Variants in NTN4 observed in about 807,000 individuals in gnomAD.
The protein encoded by NTN4 is netrin-4.
Under a neutral mutation model 73.6 loss-of-function variants are expected in NTN4, and 32 were observed. The ratio of observed to expected loss-of-function variants is 0.44; its 90% CI spans 0.33 to 0.58. NTN4 has a LOEUF of 0.58. Among genes scored for constraint, NTN4 ranks in the 20% least tolerant of loss-of-function variants. The probability of loss-of-function intolerance (pLI) is 0.04; values close to 1 mark genes in which losing one functional copy is unlikely to be tolerated. For synonymous variants in NTN4, 258 were observed against 287.5 expected (o/e 0.90, Z 1.04); for missense variants, 654 against 798.3 (o/e 0.82, Z 2.18).
At chr12:95,659,289 G>C (rs1232447957) in intron 9 of NTN4, 67 bp from the exon 10 acceptor site, 2 of 1,274,024 alleles carry the variant, frequency 1.6e-6, no homozygotes, top group African/African-American at 3.0e-5. Context: ...TGTGACTCCA[G>C]CAGGTTTTCT....
chr12:95,717,161 G>A (rs990725419), intron 3 of NTN4, among the ~76,000 whole-genome samples: 2 of 152,054 alleles, frequency 1.3e-5, no homozygotes, highest in South Asian at 2.1e-4. Flanking sequence ...GAAGCAAGAT[G>A]CTGCAAAGTA....
intron 7 of NTN4, among the ~76,000 whole-genome samples, chr12:95,675,626 T>C (rs962196511): frequency 6.6e-6 from 1 of 152,202 alleles, no homozygotes; most frequent in Non-Finnish European, 1.5e-5. Context: ...GATATTTATC[T>C]CTGTGGACTA....
chr12:95,665,946 T>C lies in NTN4; in HGVS notation c.1614A>G (p.Lys538=), dbSNP rs767155209. 2.2e-5 allele frequency: 36 copies of C among 1,612,648 alleles called. No homozygotes were observed. The highest frequency in any genetic ancestry group is 1.7e-4 in the Middle Eastern group (1 of 6,044). The change falls in exon 9 of 10, where the codon AAA becomes AAG. Residue 538 remains lysine (K), a synonymous_variant. Coordinates refer to ENST00000343702, the MANE Select transcript of NTN4 (RefSeq NM_021229.4). ...TCACATTGACCTCAACATGAGTACCTTTATCATGAGCTGATAAAATCTTTA... is the reference window on the plus strand; with the variant it reads ...TCACATTGACCTCAACATGAGTACCCTTATCATGAGCTGATAAAATCTTTA... ...LKIKILSAHD[K]GTHVEVNVKI...
chr12:95,766,952 T>G (rs1259778695), intron 2 of NTN4, among the ~76,000 whole-genome samples: 1 of 152,202 alleles, frequency 6.6e-6, no homozygotes, highest in Non-Finnish European at 1.5e-5. Context: ...AAGGAATTAA[T>G]ATTTATCACT....
At chr12:95,720,305 C>G (rs1333842737) in intron 3 of NTN4, among the ~76,000 whole-genome samples, 1 of 152,154 alleles carries the variant, frequency 6.6e-6, no homozygotes, top group African/African-American at 2.4e-5. Context: ...ACAAACTGTG[C>G]CTACTTCACT....
intron 5 of NTN4, among the ~76,000 whole-genome samples, chr12:95,705,809 T>A (rs2078518510): frequency 6.6e-6 from 1 of 152,202 alleles, no homozygotes; most frequent in Non-Finnish European, 1.5e-5. Flanking sequence ...CACTAGACTT[T>A]GTTAGCTTTG....
intron 5 of NTN4, among the ~76,000 whole-genome samples, chr12:95,700,826 T>G (rs2078479907): frequency 6.7e-6 from 1 of 148,576 alleles, no homozygotes; most frequent in Non-Finnish European, 1.5e-5. Context: ...TTTTTTTTTT[T>G]TTTTTGAGAC....
intron 7 of NTN4, among the ~76,000 whole-genome samples, chr12:95,678,197 G>T (rs1431214935): frequency 6.6e-6 from 1 of 151,880 alleles, no homozygotes; most frequent in Non-Finnish European, 1.5e-5. Flanking sequence ...GGGTGTGGGG[G>T]GCGAGGGGAG....
At chr12:95,693,496 C>T (rs954635481) in intron 5 of NTN4, among the ~76,000 whole-genome samples, 9 of 151,608 alleles carry the variant, frequency 5.9e-5, no homozygotes, top group African/African-American at 2.2e-4. Context: ...TTTGAGAGGG[C>T]GAGGCAGGCA....
chr12:95,717,054 C>T (rs191935262), intron 3 of NTN4, among the ~76,000 whole-genome samples: 313 of 152,274 alleles, frequency 2.1e-3, no homozygotes, highest in Non-Finnish European at 3.5e-3. Flanking sequence ...AAGTGATCCT[C>T]CCACCTCAGC....
intron 7 of NTN4, among the ~76,000 whole-genome samples, chr12:95,682,244 A>T (rs1471020336): frequency 6.6e-6 from 1 of 151,410 alleles, no homozygotes; most frequent in Non-Finnish European, 1.5e-5. Context: ...TTGTAGAGAT[A>T]ACTCTTGCTA....
chr12:95,737,123 C>T (rs1469306849), intron 3 of NTN4, among the ~76,000 whole-genome samples: 1 of 152,192 alleles, frequency 6.6e-6, no homozygotes, highest in Non-Finnish European at 1.5e-5. Context: ...TGCTGAGCCA[C>T]TCTGTATCTT....
rs896736559 is a variant in NTN4 at position 95,790,547 on chromosome 12, G to A, written c.-238C>T. The A allele has an allele frequency of 3.0e-6, 1 of 338,448 alleles. No homozygotes were observed. Among genetic ancestry groups the A allele is most frequent in the Non-Finnish European group, 5.3e-6 (1 of 188,380 alleles). 21.0% of individuals were successfully genotyped at this position (338,448 alleles called of 1,614,324 possible). A position where few individuals can be genotyped will look rare whatever the true frequency, so the allele number is the denominator to read the frequency against. ...CTGGCGGGTCCCGGGCACCTGGGGG[G>A]CGGCGGGAGCCCCGGGACCATAGCC... On this transcript the variant is annotated 5_prime_UTR_variant, in exon 1 of 10. Transcript: ENST00000343702. This position sits in a 1 kb window ranked among gnomAD's most constrained non-coding sequence, Gnocchi z 6.5.
At chr12:95,740,538 G>A (rs190647624) in intron 2 of NTN4, among the ~76,000 whole-genome samples, 3 of 152,246 alleles carry the variant, frequency 2.0e-5, no homozygotes, top group Non-Finnish European at 2.9e-5. Context: ...TTTCTGGCTC[G>A]TTAGTGCTAT....
At chr12:95,713,952 A>T (rs2078586742) in intron 3 of NTN4, among the ~76,000 whole-genome samples, 1 of 152,104 alleles carries the variant, frequency 6.6e-6, no homozygotes, top group Non-Finnish European at 1.5e-5. Flanking sequence ...AATGAATATC[A>T]TTGTAGCTAA....
At chr12:95,660,341 C>G (rs1291891662) in intron 9 of NTN4, among the ~76,000 whole-genome samples, 2 of 151,888 alleles carry the variant, frequency 1.3e-5, no homozygotes, top group Non-Finnish European at 2.9e-5. Context: ...AAAAGTGAAA[C>G]AAGCATTTGG....
chr12:95,769,960 T>C (rs10777732), intron 2 of NTN4, among the ~76,000 whole-genome samples: 120,907 of 151,548 alleles, frequency 0.8, 48,589 homozygotes, highest in Admixed American at 0.86. Flanking sequence ...TTTCAGCACA[T>C]TGGCCAGGCT....
chr12:95,719,903 A>G (rs1204220550), intron 3 of NTN4, among the ~76,000 whole-genome samples: 1 of 152,238 alleles, frequency 6.6e-6, no homozygotes, highest in African/African-American at 2.4e-5. Context: ...AAATGCAAGT[A>G]GAAATGAAAA....
intron 3 of NTN4, among the ~76,000 whole-genome samples, chr12:95,736,299 A>G (rs1371054685): frequency 6.6e-6 from 1 of 152,106 alleles, no homozygotes; most frequent in East Asian, 1.9e-4. Context: ...GATCAGAGCC[A>G]TGCAGGTAGT....
Sources: gnomAD v4.1 joint callset for allele counts (sites outside exome capture counted in the v4.1 genomes callset) on GRCh38, gnomAD v4.1.1 for gene constraint, Gnocchi (gnomAD v3.1) non-coding constraint, MANE v1.5 for transcripts, NCBI Gene and HGNC (gene_info 2026-07-23, HGNC 2026-07-21) for gene names.